WDR93: variants seen among roughly 807,000 people sequenced by gnomAD.
The protein encoded by WDR93 is WD repeat-containing protein 93.
A neutral mutation model predicts 82.9 loss-of-function variants in WDR93; 73 were observed. The ratio of observed to expected loss-of-function variants is 0.88; its 90% confidence interval spans 0.73 to 1.07. The LOEUF is 1.07. Ranked by LOEUF, WDR93 falls within the 50% of genes least tolerant of loss-of-function variation. The probability of loss-of-function intolerance (pLI) is 0.00; values close to 1 mark genes in which losing one functional copy is unlikely to be tolerated. For synonymous variants in WDR93, 283 were observed against 300.1 expected (o/e 0.94, Z 0.59); for missense variants, 738 against 826.0 (o/e 0.89, Z 1.31).
intron 6 of WDR93, among the ~76,000 whole-genome samples, chr15:89,716,248 A>G (rs11638484): frequency 0.42 from 64,319 of 151,978 alleles, 14,108 homozygotes; most frequent in African/African-American, 0.48. Context: ...ATTTTTTGAC[A>G]CTTCTCACAT....
At chr15:89,702,171 G>A (rs1284609817) in intron 2 of WDR93, 122 bp downstream of exon 2, 2 of 1,097,498 alleles carry the variant, frequency 1.8e-6, no homozygotes, top group Admixed American at 5.7e-5. Context: ...GTGCATTTTT[G>A]AAAGATTAGA....
At chr15:89,714,925 G>T in intron 5 of WDR93, 55 bp from the exon 6 acceptor site, 1 of 1,480,366 alleles carries the variant, frequency 6.8e-7, no homozygotes. Context: ...ATTTCTCAGA[G>T]GAAACTTGTG....
At chr15:89,729,649 C>G (rs186304849) in intron 10 of WDR93, 34 bp from the exon 11 acceptor site, 14 of 1,556,568 alleles carry the variant, frequency 9.0e-6, no homozygotes, top group Admixed American at 5.0e-5. Flanking sequence ...CTGTGTAACA[C>G]CCATTTTCTG....
chr15:89,697,948 C>T (rs1222458247), intron 1 of WDR93, among the ~76,000 whole-genome samples: 6 of 148,644 alleles, frequency 4.0e-5, no homozygotes, highest in African/African-American at 1.0e-4. Context: ...GGTGCAATCT[C>T]GGCTCACTGC....
At chr15:89,720,774 A>G (rs1338340752) in intron 7 of WDR93, among the ~76,000 whole-genome samples, 1 of 152,174 alleles carries the variant, frequency 6.6e-6, no homozygotes, top group Admixed American at 6.5e-5. Flanking sequence ...GTAAGTGTTT[A>G]TATGTACTTG....
At chr15:89,730,314 G>T in intron 11 of WDR93, among the ~76,000 whole-genome samples, 1 of 110,430 alleles carries the variant, frequency 9.1e-6, no homozygotes, top group East Asian at 2.5e-4. Context: ...GACAGAGCAA[G>T]ACTATCTCAA....
At position 89,703,081 on chromosome 15, in the gene WDR93, C is replaced by G; in HGVS notation, c.435C>G (p.Val145=). 6.2e-7 allele frequency: 1 copy of G among 1,614,184 alleles called. No homozygotes were observed. The highest frequency in any genetic ancestry group is 8.5e-7 in the Non-Finnish European group (1 of 1,180,024). ...CGTGGGAGAAGCTTAAGGTTGATGT[C>G]ACTTCCATCTGGGCCACAGATTTAG... is the stretch of plus-strand genomic sequence containing the variant. The part of the protein sequence containing the change: ...IYAWEKLKVD[V]TSIWATDLGN... The change falls in exon 3 of 17, where the codon GTC becomes GTG. Residue 145 remains valine (V), a synonymous_variant. Transcript: ENST00000268130.
rs1238455087 is a variant in WDR93, at chr15:89,735,682, G to T, written c.1608+129G>T. On this transcript the variant is annotated intron_variant, in intron 14 of 16. Transcript: ENST00000268130. Reference sequence around the variant, plus strand: ...TGTTAGGCACTGGACTAGCTTTCGGGTTTACAAATAGAAAGAGAAAGAACC... The same window carrying T: ...TGTTAGGCACTGGACTAGCTTTCGGTTTTACAAATAGAAAGAGAAAGAACC... 6.2e-5 allele frequency: 57 copies of T among 923,930 alleles called. No homozygotes were observed. In the East Asian group the frequency reaches 1.4e-3, roughly 22 times the overall value. The allele number at this position is 923,930 out of a possible 1,614,324, so 57.2% of individuals were successfully genotyped here.
At chr15:89,734,919 A>G (rs1967036409) in intron 13 of WDR93, among the ~76,000 whole-genome samples, 1 of 152,192 alleles carries the variant, frequency 6.6e-6, no homozygotes, top group Admixed American at 6.5e-5. Context: ...ATATTTAGGA[A>G]ACTTACAAAG....
rs957764384 is a variant in WDR93 at position 89,709,815 on chromosome 15, C to A, written c.562-2211C>A. Among the ~76,000 whole-genome samples the A allele has an allele frequency of 5.3e-5, 8 of 151,730 alleles. No homozygotes were observed. In the South Asian group the frequency reaches 1.5e-3, roughly 28 times the overall value. On this transcript the variant is annotated intron_variant, in intron 4 of 16. Coordinates refer to ENST00000268130, the MANE Select transcript of WDR93 (RefSeq NM_020212.2). ...CCCAAAAGAAATGAAAACATTTGTT[C>A]ACAAAAAGATTTGTACAAGATGTTC...
At chr15:89,711,885 G>A in intron 4 of WDR93, 141 bp from the exon 5 acceptor site, 2 of 487,588 alleles carry the variant, frequency 4.1e-6, no homozygotes, top group Middle Eastern at 5.9e-4. Flanking sequence ...AAAATGGGAA[G>A]TATGAAGCAG....
chr15:89,720,018 T>G (rs1966451061), intron 7 of WDR93, among the ~76,000 whole-genome samples: 1 of 152,054 alleles, frequency 6.6e-6, no homozygotes, highest in South Asian at 2.1e-4. Flanking sequence ...CAGGCTGGTC[T>G]TGAACTCCTG....
At chr15:89,731,144 C>G (rs922538845) in intron 11 of WDR93, among the ~76,000 whole-genome samples, 3 of 152,150 alleles carry the variant, frequency 2.0e-5, no homozygotes, top group African/African-American at 7.2e-5. Context: ...CTTTATAGAA[C>G]CCTTGTGAGA....
chr15:89,712,781 T>A (rs929938435), intron 5 of WDR93, among the ~76,000 whole-genome samples: 2 of 152,094 alleles, frequency 1.3e-5, no homozygotes, highest in African/African-American at 2.4e-5. Context: ...CCATCCTCTG[T>A]AAGGAGCAAG....
intron 8 of WDR93, among the ~76,000 whole-genome samples, chr15:89,723,197 G>A (rs965123234): frequency 5.0e-5 from 6 of 119,704 alleles, no homozygotes; most frequent in South Asian, 2.8e-4. Context: ...GTGAAACCGC[G>A]TCATAAATAA....
intron 1 of WDR93, among the ~76,000 whole-genome samples, chr15:89,694,248 CTTTTTTT>C (rs907842374): frequency 2.4e-5 from 3 of 125,158 alleles, no homozygotes; most frequent in East Asian, 2.3e-4. Flanking sequence ...TGGGTTATTT[CTTTTTTT>C]TTTTTTTTTT....
rs147625955 is a variant in WDR93 at position 89,707,229 on chromosome 15, C to T, written c.561+1611C>T. Among the ~76,000 whole-genome samples, 14 of 152,208 alleles carry T rather than the reference C, an allele frequency of 9.2e-5. No individual in the cohort carries two copies. The East Asian group carries it at 2.7e-3, about 29-fold the overall frequency. ...AAAATCACAATGAGATATAATTACACATGTATTAGAATCCTCAAATTAAAA... is the reference window on the plus strand; with the variant it reads ...AAAATCACAATGAGATATAATTACATATGTATTAGAATCCTCAAATTAAAA... On this transcript the variant is annotated intron_variant, in intron 4 of 16. Coordinates refer to ENST00000268130, the MANE Select transcript of WDR93 (RefSeq NM_020212.2).
Position 89,703,042 on chromosome 15 carries a change from T to C in WDR93, c.396T>C (p.Ala132=). Residue 132 remains alanine, a synonymous_variant, in exon 3 of 17, where the codon GCT becomes GCC. Coordinates refer to ENST00000268130, the MANE Select transcript of WDR93 (RefSeq NM_020212.2). The stretch of plus-strand genomic sequence containing the variant: ...TCTCAATTTATAATCTGTACAGTGC[T>C]AAACAAATATATGCGTGGGAGAAGC... ...KGFSIYNLYS[A]KQIYAWEKLK... is the part of the protein sequence containing the mutation. The C allele has an allele frequency of 6.2e-7, 1 of 1,614,230 alleles. No individual in the cohort carries two copies. Among genetic ancestry groups the C allele is most frequent in the Non-Finnish European group, 8.5e-7 (1 of 1,180,028 alleles).
chr15:89,725,871 T>C (rs1187528747), intron 8 of WDR93, among the ~76,000 whole-genome samples: 1 of 152,220 alleles, frequency 6.6e-6, no homozygotes, highest in East Asian at 1.9e-4. Flanking sequence ...CGATGTTCTA[T>C]TTCTTGACCT....
Sources: allele counts gnomAD v4.1 joint callset (sites outside exome capture counted in the v4.1 genomes callset), GRCh38; gene constraint gnomAD v4.1.1; transcripts MANE v1.5; gene names NCBI Gene and HGNC (gene_info 2026-07-23, HGNC 2026-07-21).